TRPV3: variants seen among roughly 807,000 people sequenced by gnomAD.
The protein encoded by TRPV3 is VRL-3.
Under a neutral mutation model 87.1 loss-of-function variants are expected in TRPV3, and 88 were observed. The ratio of observed to expected loss-of-function variants is 1.01; its 90% CI spans 0.85 to 1.21. TRPV3 has a LOEUF of 1.21. Among genes scored for constraint, TRPV3 ranks in the 50% most tolerant of loss-of-function variants. TRPV3 has a pLI of 0.00. For missense variants in TRPV3, 1,054 were observed against 1,030.1 expected (o/e 1.02, Z -0.32); for synonymous variants, 438 against 423.3 (o/e 1.03, Z -0.43).
intron 16 of TRPV3, among the ~76,000 whole-genome samples, chr17:3,516,214 T>C (rs1195196980): frequency 6.6e-6 from 1 of 151,620 alleles, no homozygotes; most frequent in African/African-American, 2.4e-5. Flanking sequence ...GAAAGAAAAA[T>C]GCAGAGAGGG....
Position 3,515,391 on chromosome 17 carries a change from T to C in TRPV3, c.2199-719A>G, listed in dbSNP as rs537633094. Among the ~76,000 whole-genome samples the C allele has an allele frequency of 1.8e-4, 28 of 152,274 alleles. 1 individual carries two copies. The South Asian group carries it at 5.6e-3, about 30-fold the overall frequency. ...AAGGTGTTCATGGGGCCGGGCACCG[T>C]GGCTCACGCCTGTAATCCCAGCACT... On this transcript the variant is annotated intron_variant, in intron 16 of 17. Coordinates refer to ENST00000576742, the MANE Select transcript of TRPV3 (RefSeq NM_145068.4).
intron 8 of TRPV3, 63 bp downstream of exon 8, chr17:3,532,594 G>A: frequency 1.9e-6 from 3 of 1,578,306 alleles, no homozygotes; most frequent in Non-Finnish European, 2.6e-6. Context: ...CCGGGGCTGA[G>A]AGGGTGGCAG....
At position 3,518,082 on chromosome 17, in the gene TRPV3, G is replaced by A. The variant is rs959492378; in HGVS notation, c.2085+494C>T. On this transcript the variant is annotated intron_variant, in intron 15 of 17. Coordinates refer to ENST00000576742, the MANE Select transcript of TRPV3 (RefSeq NM_145068.4). The surrounding 1 kb of genome is among the most constrained non-coding windows in gnomAD (Gnocchi z 4.3). ...GATCCACCCGCTTCGGCCTTCCAAA[G>A]TGCTAAGATTACAGGGGTGAGCCAC... Among the ~76,000 whole-genome samples the A allele has an allele frequency of 9.2e-5, 14 of 152,090 alleles. No homozygotes were observed. Among genetic ancestry groups the A allele is most frequent in the African/African-American group, 1.2e-4 (5 of 41,410 alleles).
intron 2 of TRPV3, among the ~76,000 whole-genome samples, chr17:3,551,669 TG>T (rs35250834): frequency 0.38 from 57,628 of 151,786 alleles, 12,690 homozygotes; most frequent in Non-Finnish European, 0.5. Flanking sequence ...TCTGTATCTC[TG>T]TCTCTGGGCA....
Position 3,544,612 on chromosome 17 carries a change from A to T in TRPV3, c.278T>A (p.Val93Glu), listed in dbSNP as rs757374291. ...MDSPQSPQDDVTETPSNPNSP... is the reference protein window; with the variant it reads ...MDSPQSPQDDETETPSNPNSP... Reference sequence around the variant, plus strand: ...GTTGGGATTGGATGGGGTCTCTGTCACATCATCCTGAGGAGACTGGGGGGA... The same window carrying T: ...GTTGGGATTGGATGGGGTCTCTGTCTCATCATCCTGAGGAGACTGGGGGGA... Residue 93 changes from valine (V) to glutamate (E), a missense_variant, in exon 4 of 18, where the codon GTG becomes GAG. By Grantham distance (121) the Val-to-Glu change is moderately radical (BLOSUM62 -2). Transcript: ENST00000576742. The T allele has an allele frequency of 1.2e-6, 2 of 1,608,804 alleles. No individual in the cohort carries two copies. Among genetic ancestry groups the T allele is most frequent in the East Asian group, 2.2e-5 (1 of 44,510 alleles).
chr17:3,529,038 G>C (rs375741342), intron 9 of TRPV3, 43 bp from the exon 10 acceptor site: 6 of 1,612,072 alleles, frequency 3.7e-6, no homozygotes, highest in Middle Eastern at 1.7e-4. Flanking sequence ...ATGAGGGAGA[G>C]AGGGAGGGAC....
Position 3,526,912 on chromosome 17 carries a change from G to A in TRPV3, c.1519C>T (p.Leu507=), listed in dbSNP as rs115217497. ...ISVKEGIAIF[L]LRPSDLQSIL... ...GACTGCAGATCCGAGGGTCTCAGCAGGAAGATGGCAATGCCCTAAGGCCAG... is the reference window on the plus strand; with the variant it reads ...GACTGCAGATCCGAGGGTCTCAGCAAGAAGATGGCAATGCCCTAAGGCCAG... The change falls in exon 12 of 18, where the codon CTG becomes TTG. Residue 507 remains leucine, a synonymous_variant. Coordinates refer to ENST00000576742, the MANE Select transcript of TRPV3 (RefSeq NM_145068.4). The A allele has an allele frequency of 1.2e-6, 2 of 1,611,836 alleles. No individual in the cohort carries two copies. Among genetic ancestry groups the A allele is most frequent in the African/African-American group, 1.3e-5 (1 of 75,024 alleles).
intron 7 of TRPV3, among the ~76,000 whole-genome samples, chr17:3,534,867 A>G (rs2074384626): frequency 6.6e-6 from 1 of 152,060 alleles, no homozygotes; most frequent in Non-Finnish European, 1.5e-5. Flanking sequence ...CCTCGCCTGT[A>G]AAATGGGGCT....
chr17:3,547,497 T>C (rs1448798966), intron 2 of TRPV3, among the ~76,000 whole-genome samples: 1 of 152,200 alleles, frequency 6.6e-6, no homozygotes, highest in Non-Finnish European at 1.5e-5. Context: ...GGCACGCACC[T>C]GTAATCCCAT....
chr17:3,527,909 TG>T, intron 11 of TRPV3, 115 bp downstream of exon 11: 1 of 797,660 alleles, frequency 1.3e-6, no homozygotes, highest in Non-Finnish European at 2.1e-6. Context: ...AGGTAAGGCT[TG>T]GGAAGGAAAC....
chr17:3,532,719 T>A lies in TRPV3; in HGVS notation c.1003A>T (p.Thr335Ser). ...GTGAGGCCATCGTTGTTGCGAGTGG[T>A]CTCCAGCTCCCAGTTGCCACTCCGC... ...LLRSGNWELE[T>S]TRNNDGLTPL... Residue 335 changes from threonine to serine, a missense_variant, in exon 8 of 18, where the codon ACC becomes TCC. By Grantham distance (58) the Thr-to-Ser change is moderately conservative. Coordinates refer to ENST00000576742, the MANE Select transcript of TRPV3 (RefSeq NM_145068.4). The A allele has an allele frequency of 6.2e-7, 1 of 1,614,264 alleles. No homozygotes were observed. Among genetic ancestry groups the A allele is most frequent in the Non-Finnish European group, 8.5e-7 (1 of 1,180,044 alleles).
rs1415416931 is a variant in TRPV3 at position 3,555,775 on chromosome 17, G to GT, written c.-2-924dup. The stretch of plus-strand genomic sequence containing the variant: ...CCTGGGAGGGTCAGGAGTGGCAGGA[G>GT]TGGGGGGAGCTGCTGTGGCCAGAGA... On this transcript the variant is annotated intron_variant, in intron 1 of 17. Transcript: ENST00000576742. Among the ~76,000 whole-genome samples, 34 of 152,274 alleles carry GT rather than the reference G, an allele frequency of 2.2e-4. No homozygotes were observed. The Middle Eastern group carries it at 0.017, about 76-fold the overall frequency.
intron 15 of TRPV3, among the ~76,000 whole-genome samples, chr17:3,517,412 A>C (rs2074192431): frequency 6.6e-6 from 1 of 152,066 alleles, no homozygotes; most frequent in Non-Finnish European, 1.5e-5. Flanking sequence ...TGAGCTCAGG[A>C]GTAAGCGGCC....
chr17:3,554,665 G>GC (rs1597495917), intron 2 of TRPV3, 67 bp downstream of exon 2: 1 of 1,172,316 alleles, frequency 8.5e-7, no homozygotes, highest in East Asian at 2.4e-5. Flanking sequence ...CTCCCTGGGG[G>GC]GGTGCCAGGC....
In TRPV3 at chr17:3,513,685, G is replaced by T; in HGVS notation, c.*232C>A. 1 of 464,486 alleles carries T rather than the reference G, an allele frequency of 2.2e-6. No homozygotes were observed. Among genetic ancestry groups the T allele is most frequent in the Non-Finnish European group, 3.8e-6 (1 of 261,636 alleles). 28.8% of individuals were successfully genotyped at this position (464,486 alleles called of 1,614,324 possible). ...AGGCTCCAGACTGCTGCTGGCTGTA[G>T]GTTTACACCAGCTGTTTGCCAAGTA... On this transcript the variant is annotated 3_prime_UTR_variant, in exon 18 of 18. Transcript: ENST00000576742.
chr17:3,543,487 A>G lies in TRPV3; in HGVS notation c.453T>C (p.Asp151=). The part of the protein sequence containing the change: ...ELQELCRRRH[D]EDVPDFLMHK... ...TCAGACACTCACCAGGCACATCCTC[A>G]TCATGGCGCCGCCTGCAAAGCTCCT... The change falls in exon 5 of 18, where the codon GAT becomes GAC. Residue 151 remains aspartate, a synonymous_variant. Coordinates refer to ENST00000576742, the MANE Select transcript of TRPV3 (RefSeq NM_145068.4). The G allele has an allele frequency of 6.2e-7, 1 of 1,613,302 alleles. No homozygotes were observed. The highest frequency in any genetic ancestry group is 8.5e-7 in the Non-Finnish European group (1 of 1,179,968).
intron 6 of TRPV3, among the ~76,000 whole-genome samples, chr17:3,539,177 A>G (rs571984662): frequency 1.3e-5 from 2 of 152,332 alleles, no homozygotes; most frequent in Admixed American, 1.3e-4. Context: ...ACCAACTTGT[A>G]GAATACAGAC....
rs2074318016 is a variant in TRPV3, at chr17:3,528,276, G to C, written c.1402-150C>G. 4.9e-6 allele frequency: 3 copies of C among 609,706 alleles called. No individual in the cohort carries two copies. The South Asian group carries it at 6.3e-5, about 13-fold the overall frequency. 37.8% of individuals were successfully genotyped at this position (609,706 alleles called of 1,614,324 possible). On this transcript the variant is annotated intron_variant, in intron 10 of 17. Transcript: ENST00000576742. This position sits in a 1 kb window ranked among gnomAD's most constrained non-coding sequence, Gnocchi z 4.2. ...TCTCTGTACAGGGCAAGAGAAGGAA[G>C]AGCAGCTCCCTGACCCCAACTCTCC...
At position 3,528,952 on chromosome 17, in the gene TRPV3, A is replaced by G. The variant is rs774410650; in HGVS notation, c.1286T>C (p.Leu429Pro). 1 of 1,614,230 alleles carries G rather than the reference A, an allele frequency of 6.2e-7. No homozygotes were observed. Among genetic ancestry groups the G allele is most frequent in the Non-Finnish European group, 8.5e-7 (1 of 1,180,032 alleles). ...MLTLEPLHTL[L>P]HMKWKKFAKH... ...GGCAAACTTCTTCCACTTCATATGC[A>G]GCAGCGTGTGCAGCGGCTCCAGGGT... The change falls in exon 10 of 18, where the codon CTG (leucine) becomes CCG (proline). Residue 429 changes from leucine (L) to proline (P), a missense_variant. Physicochemically the swap from Leu to Pro is moderately conservative, Grantham distance 98 (BLOSUM62 -3). Coordinates refer to ENST00000576742, the MANE Select transcript of TRPV3 (RefSeq NM_145068.4). This position sits in a 1 kb window ranked among gnomAD's most constrained non-coding sequence, Gnocchi z 4.2.
Sources: gnomAD v4.1 joint callset for allele counts (sites outside exome capture counted in the v4.1 genomes callset) on GRCh38, gnomAD v4.1.1 for gene constraint, Gnocchi (gnomAD v3.1) non-coding constraint, MANE v1.5 for transcripts, NCBI Gene and HGNC (gene_info 2026-07-23, HGNC 2026-07-21) for gene names.